The following CUX1 variants were observed in gnomAD, a reference collection of about 807,000 sequenced individuals.
CUX1 encodes cut like homeobox 1, also known as protein CASP.
A neutral mutation model predicts 158.8 loss-of-function variants in CUX1; 31 were observed. The observed-to-expected ratio is 0.20, with a 90% CI of 0.15 to 0.26. CUX1 has a LOEUF of 0.26. Among genes scored for constraint, CUX1 ranks in the 10% least tolerant of loss-of-function variants. The pLI, the probability that CUX1 is intolerant of heterozygous loss-of-function variation, is 1.00. For missense variants in CUX1, 1,589 were observed against 2,014.6 expected (o/e 0.79, Z 4.04); for synonymous variants, 879 against 862.1 (o/e 1.02, Z -0.34).
chr7:102,251,962 G>A lies in CUX1; in HGVS notation c.*2920G>A, dbSNP rs182952259. The A allele has an allele frequency of 5.2e-3, 5,075 of 985,372 alleles. 12 individuals carry two copies. Among genetic ancestry groups the A allele is most frequent in the Non-Finnish European group, 5.8e-3 (4,802 of 829,912 alleles). The allele number at this position is 985,372 out of a possible 1,614,324, so 61.0% of individuals were successfully genotyped here. ...ACCCTCCCAAGCAATTTAGTCATAT[G>A]TGTTGTTTTCTCTTTTCTGTTTTTA... is the stretch of plus-strand genomic sequence containing the variant. On this transcript the variant is annotated 3_prime_UTR_variant, in exon 24 of 24. Coordinates refer to ENST00000292535, the MANE Select transcript of CUX1 (RefSeq NM_181552.4).
rs1433131138 is a variant in CUX1, at chr7:102,256,766, C to T, written c.*7724C>T. ...CTGGGTTCATGAAGTTTCGGCGAGC[C>T]GTGGTCAGAGAGGGCGCGGTGGCCT... is the stretch of plus-strand genomic sequence containing the variant. On this transcript the variant is annotated 3_prime_UTR_variant, in exon 24 of 24. Transcript: ENST00000292535. 1.0e-5 allele frequency: 10 copies of T among 985,300 alleles called. No individual in the cohort carries two copies. Among genetic ancestry groups the T allele is most frequent in the Non-Finnish European group, 1.1e-5 (9 of 829,954 alleles). 61.0% of individuals were successfully genotyped at this position (985,300 alleles called of 1,614,324 possible).
At chr7:101,895,059 C>T (rs924783975) in intron 1 of CUX1, among the ~76,000 whole-genome samples, 2 of 151,982 alleles carry the variant, frequency 1.3e-5, no homozygotes, top group Non-Finnish European at 2.9e-5. Flanking sequence ...CTTGCTGTGT[C>T]GCCCAGGCTG....
chr7:101,908,823 C>T (rs1338832749), intron 1 of CUX1, among the ~76,000 whole-genome samples: 2 of 152,118 alleles, frequency 1.3e-5, no homozygotes, highest in Non-Finnish European at 2.9e-5. Context: ...TGTGATGTAG[C>T]GTTTACTGTG....
intron 8 of CUX1, 91 bp downstream of exon 8, chr7:102,115,364 T>G: frequency 9.2e-7 from 1 of 1,084,628 alleles, no homozygotes; most frequent in Non-Finnish European, 1.4e-6. Flanking sequence ...TCTTGACCTC[T>G]GTGCTGCTGC....
chr7:102,238,921 GCT>G (rs1359862340), intron 22 of CUX1, among the ~76,000 whole-genome samples: 1 of 152,128 alleles, frequency 6.6e-6, no homozygotes, highest in African/African-American at 2.4e-5. Context: ...ACGGAATCTT[GCT>G]CTGTTACTCA....
chr7:102,016,610 C>T (rs1269710255), intron 2 of CUX1, among the ~76,000 whole-genome samples: 1 of 152,170 alleles, frequency 6.6e-6, no homozygotes, highest in Non-Finnish European at 1.5e-5. Context: ...AGACCTCGTT[C>T]CTTACAAAGA....
intron 22 of CUX1, 82 bp downstream of exon 22, chr7:102,234,322 G>A (rs1799313142): frequency 4.6e-6 from 6 of 1,293,292 alleles, no homozygotes; most frequent in Non-Finnish European, 6.0e-6. Context: ...ACACACAGCT[G>A]ATGAGGGACA....
Position 102,257,142 on chromosome 7 carries a change from C to A in CUX1, c.*8100C>A. ...CATGGGCCCAGCAGAAGGAAACTTA[C>A]CCCAGGCCAAGGCAAGGGCCCTGCT... On this transcript the variant is annotated 3_prime_UTR_variant, in exon 24 of 24. Transcript: ENST00000292535. 10 of 985,374 alleles carry A rather than the reference C, an allele frequency of 1.0e-5. No homozygotes were observed. Among genetic ancestry groups the A allele is most frequent in the Non-Finnish European group, 1.2e-5 (10 of 829,922 alleles). 61.0% of individuals were successfully genotyped at this position (985,374 alleles called of 1,614,324 possible). A position where few individuals can be genotyped will look rare whatever the true frequency, so the allele number is the denominator to read the frequency against.
At chr7:102,094,640 T>C (rs975166809) in intron 4 of CUX1, among the ~76,000 whole-genome samples, 1 of 152,148 alleles carries the variant, frequency 6.6e-6, no homozygotes, top group African/African-American at 2.4e-5. Flanking sequence ...GTATACTAGG[T>C]GTGTTCTTTA....
At chr7:102,243,632 A>AAATAATAAT (rs3077412) in intron 23 of CUX1, among the ~76,000 whole-genome samples, 2,599 of 130,734 alleles carry the variant, frequency 0.02, 28 homozygotes, top group East Asian at 0.032. Context: ...TCTCTACAGA[A>AAATAATAAT]AATAATAATA....
intron 1 of CUX1, among the ~76,000 whole-genome samples, chr7:101,876,894 G>A (rs562185708): frequency 2.0e-5 from 3 of 149,126 alleles, no homozygotes; most frequent in South Asian, 2.2e-4. Flanking sequence ...GATTCCAGGC[G>A]TGAGCCACCG....
At chr7:102,092,207 G>A (rs1828649421) in intron 4 of CUX1, among the ~76,000 whole-genome samples, 3 of 151,976 alleles carry the variant, frequency 2.0e-5, no homozygotes, top group African/African-American at 7.3e-5. Flanking sequence ...TAAAATCCTT[G>A]TGCACAGGCT....
rs544809541 is a variant in CUX1, at chr7:101,883,645, C to T, written c.31-32470C>T. Among the ~76,000 whole-genome samples the T allele has an allele frequency of 3.3e-5, 5 of 151,282 alleles. No individual in the cohort carries two copies. The East Asian group carries it at 9.7e-4, about 29-fold the overall frequency. On this transcript the variant is annotated intron_variant, in intron 1 of 23. Transcript: ENST00000292535. Reference sequence around the variant, plus strand: ...CTGTTTTTTGCGATGGAGTTTCACTCTTGTTGCCCAGGCTGGAGTGCAATG... The same window carrying T: ...CTGTTTTTTGCGATGGAGTTTCACTTTTGTTGCCCAGGCTGGAGTGCAATG...
intron 2 of CUX1, among the ~76,000 whole-genome samples, chr7:102,009,768 A>G (rs1817783175): frequency 6.6e-6 from 1 of 152,206 alleles, no homozygotes; most frequent in Admixed American, 6.5e-5. Context: ...GGACTTCTTT[A>G]TCTCTAGTAC....
chr7:101,898,649 G>A (rs1347338120), intron 1 of CUX1, among the ~76,000 whole-genome samples: 2 of 148,152 alleles, frequency 1.3e-5, no homozygotes, highest in Admixed American at 6.8e-5. Context: ...GGAGTGCAGC[G>A]GCGCGACCTT....
intron 20 of CUX1, among the ~76,000 whole-genome samples, chr7:102,210,397 T>C (rs1796398756): frequency 6.6e-6 from 1 of 151,906 alleles, no homozygotes; most frequent in East Asian, 1.9e-4. Context: ...ACACCCGGCC[T>C]TTTTTATTCT....
At chr7:101,829,894 ATCC>A (rs1283202854) in intron 1 of CUX1, among the ~76,000 whole-genome samples, 6 of 148,014 alleles carry the variant, frequency 4.1e-5, no homozygotes, top group African/African-American at 1.5e-4. Context: ...ATTACTCACT[ATCC>A]TCAGATGCCC....
chr7:102,252,499 T>C lies in CUX1; in HGVS notation c.*3457T>C, dbSNP rs1367283630. 10 of 985,358 alleles carry C rather than the reference T, an allele frequency of 1.0e-5. No individual in the cohort carries two copies. The highest frequency in any genetic ancestry group is 8.7e-5 in the African/African-American group (5 of 57,240). 61.0% of individuals were successfully genotyped at this position (985,358 alleles called of 1,614,324 possible). On this transcript the variant is annotated 3_prime_UTR_variant, in exon 24 of 24. Transcript: ENST00000292535. ...CTTAATTACAAGCTCCATTATGCCA[T>C]TTTAAATGGCTTCTTTTTGTTAATT...
At chr7:102,024,178 C>T (rs1264850893) in intron 2 of CUX1, among the ~76,000 whole-genome samples, 2 of 152,218 alleles carry the variant, frequency 1.3e-5, no homozygotes, top group Non-Finnish European at 2.9e-5. Context: ...CTTGCCCCTG[C>T]GCCCCAGCCC....
Sources: allele counts gnomAD v4.1 joint callset (sites outside exome capture counted in the v4.1 genomes callset), GRCh38; gene constraint gnomAD v4.1.1; transcripts MANE v1.5; gene names NCBI Gene and HGNC (gene_info 2026-07-23, HGNC 2026-07-21).